TDRD12: variants seen among roughly 807,000 people sequenced by gnomAD.
TDRD12 encodes putative ATP-dependent RNA helicase TDRD12.
TDRD12 carries 158 observed loss-of-function variants against 133.5 expected under a neutral mutation model. That is an observed-to-expected ratio of 1.18 (90% CI 1.04 to 1.35). The LOEUF (loss-of-function observed/expected upper bound fraction) is 1.35, where lower values mean the gene tolerates loss of function less well. TDRD12 is among the 40% of genes most tolerant of loss of function. TDRD12 has a pLI of 0.00. For synonymous variants in TDRD12, 460 were observed against 477.9 expected (o/e 0.96, Z 0.49); for missense variants, 1,443 against 1,321.3 (o/e 1.09, Z -1.43).
At chr19:32,732,598 G>A (rs895365801) in intron 2 of TDRD12, among the ~76,000 whole-genome samples, 3 of 152,172 alleles carry the variant, frequency 2.0e-5, no homozygotes, top group African/African-American at 7.2e-5. Context: ...GCCCCTCCTT[G>A]CCTTCTTGCA....
chr19:32,780,646 C>T (rs1429994259), intron 11 of TDRD12, among the ~76,000 whole-genome samples: 1 of 152,118 alleles, frequency 6.6e-6, no homozygotes, highest in Non-Finnish European at 1.5e-5. Context: ...CGTCATGATT[C>T]TGGTGAGATG....
chr19:32,810,494 G>A (rs990468992), intron 23 of TDRD12, among the ~76,000 whole-genome samples: 3 of 152,170 alleles, frequency 2.0e-5, no homozygotes, highest in Non-Finnish European at 2.9e-5. Flanking sequence ...CCATCACTGC[G>A]TGCGACATAC....
chr19:32,794,683 C>G (rs761839221), exon 14 of TDRD12: 1 of 703,060 alleles, frequency 1.4e-6, no homozygotes, highest in Admixed American at 2.0e-5. Flanking sequence ...TACTCTTGGC[C>G]TCCCATAGCG....
chr19:32,776,194 T>C (rs1199590689), intron 10 of TDRD12, among the ~76,000 whole-genome samples: 1 of 152,208 alleles, frequency 6.6e-6, no homozygotes, highest in Non-Finnish European at 1.5e-5. Flanking sequence ...GGCCAGATAG[T>C]TTCTCTTGGA....
intron 1 of TDRD12, among the ~76,000 whole-genome samples, chr19:32,720,770 C>T (rs1475521585): frequency 1.9e-5 from 2 of 107,208 alleles, no homozygotes; most frequent in African/African-American, 7.9e-5. Context: ...GCACCCCAGC[C>T]GCAGCCCACC....
intron 21 of TDRD12, among the ~76,000 whole-genome samples, chr19:32,803,362 G>A (rs529565761): frequency 1.3e-5 from 2 of 152,282 alleles, no homozygotes; most frequent in East Asian, 1.9e-4. Flanking sequence ...AAATGGCATC[G>A]TGGTATGTTC....
chr19:32,828,151 A>G (rs1209095649), exon 10 of TDRD12: 1 of 152,170 alleles, frequency 6.6e-6, no homozygotes, highest in Non-Finnish European at 1.5e-5. Flanking sequence ...CTTCTGATGA[A>G]GAGATAGTCC....
chr19:32,822,182 C>T (rs1967421356), downstream of TDRD12, among the ~76,000 whole-genome samples: 1 of 152,198 alleles, frequency 6.6e-6, no homozygotes, highest in Non-Finnish European at 1.5e-5. Context: ...ATGATCCCAA[C>T]ACTTTGGGGG....
At chr19:32,758,025 G>A (rs935928322) in intron 8 of TDRD12, among the ~76,000 whole-genome samples, 2 of 152,204 alleles carry the variant, frequency 1.3e-5, no homozygotes, top group East Asian at 1.9e-4. Context: ...CCCCGTCCCC[G>A]ACCTGGGCCT....
Position 32,728,709 on chromosome 19 carries a change from G to A in TDRD12, c.25-3016G>A, listed in dbSNP as rs372192059. Among the ~76,000 whole-genome samples, 525 of 145,882 alleles carry A rather than the reference G, an allele frequency of 3.6e-3. 3 individuals carry two copies. The highest frequency in any genetic ancestry group is 0.023 in the South Asian group (104 of 4,602). On this transcript the variant is annotated intron_variant, in intron 1 of 27. Coordinates refer to ENST00000444215, the Ensembl canonical transcript of TDRD12. Reference sequence around the variant, plus strand: ...TGCCCAAGCTGGAGTGCAGTGGCGCGATCTTGGTTCACTGCAAGCTCCGCC... The same window carrying A: ...TGCCCAAGCTGGAGTGCAGTGGCGCAATCTTGGTTCACTGCAAGCTCCGCC...
chr19:32,722,433 G>A (rs2145403236), intron 1 of TDRD12, among the ~76,000 whole-genome samples: 1 of 152,152 alleles, frequency 6.6e-6, no homozygotes, highest in Non-Finnish European at 1.5e-5. Flanking sequence ...AGCAAATTCT[G>A]TCCTGAATAG....
chr19:32,792,713 G>C (rs1019023502), intron 13 of TDRD12, among the ~76,000 whole-genome samples: 9 of 152,206 alleles, frequency 5.9e-5, no homozygotes, highest in Admixed American at 5.9e-4. Context: ...TCCAGATTAA[G>C]AGGGCCTACC....
chr19:32,795,685 C>A (rs773296405), intron 14 of TDRD12, among the ~76,000 whole-genome samples: 4 of 152,162 alleles, frequency 2.6e-5, no homozygotes, highest in Non-Finnish European at 5.9e-5. Context: ...ATACCTGAGG[C>A]TGGGTAATTT....
At chr19:32,746,608 C>T (rs1393093842) in intron 4 of TDRD12, among the ~76,000 whole-genome samples, 1 of 119,920 alleles carries the variant, frequency 8.3e-6, no homozygotes, top group Non-Finnish European at 1.7e-5. Context: ...TGTGGTTATT[C>T]TGTGTGTGTG....
At chr19:32,731,906 A>G in intron 2 of TDRD12, 23 bp downstream of exon 2, 3 of 1,515,228 alleles carry the variant, frequency 2.0e-6, no homozygotes, top group Non-Finnish European at 2.6e-6. Context: ...ATGTTCTTTA[A>G]TCACTGTGTA....
chr19:32,741,318 G>T (rs1268509501), intron 3 of TDRD12, among the ~76,000 whole-genome samples: 1 of 152,164 alleles, frequency 6.6e-6, no homozygotes, highest in Non-Finnish European at 1.5e-5. Context: ...TTGACCTCAG[G>T]TGATCCACCC....
intron 11 of TDRD12, among the ~76,000 whole-genome samples, chr19:32,782,120 C>A (rs1429010786): frequency 6.6e-6 from 1 of 150,762 alleles, no homozygotes; most frequent in African/African-American, 2.4e-5. Flanking sequence ...CTCCCCTAGC[C>A]CCCCACCCCC....
chr19:32,776,083 G>C (rs531040362), intron 10 of TDRD12, among the ~76,000 whole-genome samples: 1 of 152,210 alleles, frequency 6.6e-6, no homozygotes, highest in East Asian at 1.9e-4. Flanking sequence ...CTTAGCTTGG[G>C]GCGAGTTGGG....
intron 4 of TDRD12, among the ~76,000 whole-genome samples, chr19:32,747,586 A>G (rs1969690044): frequency 6.6e-6 from 1 of 152,054 alleles, no homozygotes; most frequent in African/African-American, 2.4e-5. Flanking sequence ...CTCTTTCCCC[A>G]CTGCCTACAG....
Sources: allele counts gnomAD v4.1 joint callset (sites outside exome capture counted in the v4.1 genomes callset), GRCh38; gene constraint gnomAD v4.1.1; transcripts MANE v1.5; gene names NCBI Gene and HGNC (gene_info 2026-07-23, HGNC 2026-07-21).